The following PTPRG variants were observed in gnomAD, a reference collection of about 807,000 sequenced individuals.
The protein encoded by PTPRG is protein tyrosine phosphatase receptor type G, also known as receptor-type tyrosine-protein phosphatase gamma.
A neutral mutation model predicts 165.3 loss-of-function variants in PTPRG; 102 were observed. The observed-to-expected ratio is 0.62, with a 90% CI of 0.53 to 0.73. The LOEUF (loss-of-function observed/expected upper bound fraction) is 0.73. Ranked by LOEUF, PTPRG falls within the 30% of genes least tolerant of loss-of-function variation. The pLI, the probability that PTPRG is intolerant of heterozygous loss-of-function variation, is 0.00. For missense variants in PTPRG, 1,866 were observed against 1,861.4 expected (o/e 1.00, Z -0.05); for synonymous variants, 675 against 669.5 (o/e 1.01, Z -0.13).
At chr3:61,684,217 G>C (rs1480050194) in intron 1 of PTPRG, among the ~76,000 whole-genome samples, 4 of 152,170 alleles carry the variant, frequency 2.6e-5, no homozygotes, top group African/African-American at 9.7e-5. Context: ...TTCCCCTATG[G>C]GAGTGTATAT....
chr3:61,873,091 A>T (rs2037627807), intron 2 of PTPRG, among the ~76,000 whole-genome samples: 1 of 152,122 alleles, frequency 6.6e-6, no homozygotes, highest in African/African-American at 2.4e-5. Flanking sequence ...GGGGAGCTGT[A>T]TATATTCAGT....
intron 1 of PTPRG, among the ~76,000 whole-genome samples, chr3:61,703,433 C>T (rs2031083620): frequency 6.6e-6 from 1 of 152,096 alleles, no homozygotes; most frequent in Non-Finnish European, 1.5e-5. Context: ...CATTTTTTCT[C>T]TTTTGGCTTT....
At chr3:62,020,604 C>G (rs2041666344) in intron 4 of PTPRG, among the ~76,000 whole-genome samples, 1 of 152,066 alleles carries the variant, frequency 6.6e-6, no homozygotes, top group African/African-American at 2.4e-5. Flanking sequence ...TAATGGGAGT[C>G]TTTTCATTGT....
At chr3:61,974,844 C>T (rs1338190699) in intron 2 of PTPRG, among the ~76,000 whole-genome samples, 2 of 152,164 alleles carry the variant, frequency 1.3e-5, no homozygotes, top group Non-Finnish European at 2.9e-5. Flanking sequence ...GAGATCCTGT[C>T]CTTTGTGGAG....
intron 12 of PTPRG, among the ~76,000 whole-genome samples, chr3:62,209,853 A>G (rs1700316227): frequency 6.6e-6 from 1 of 152,186 alleles, no homozygotes; most frequent in African/African-American, 2.4e-5. Flanking sequence ...ACTAAGAACA[A>G]TTAGATTTCC....
intron 2 of PTPRG, among the ~76,000 whole-genome samples, chr3:61,887,170 A>ATTTTTT (rs869308871): frequency 2.6e-5 from 3 of 115,532 alleles, no homozygotes; most frequent in East Asian, 3.3e-4. Flanking sequence ...ATATATATAT[A>ATTTTTT]TTTTTAATGC....
rs183676695 is a variant in PTPRG at position 62,103,176 on chromosome 3, A to G, written c.615+24918A>G. On this transcript the variant is annotated intron_variant, in intron 5 of 29. Coordinates refer to ENST00000474889, the MANE Select transcript of PTPRG (RefSeq NM_002841.4). ...TTTATTTTATTTTGTGTTTCCAGCT[A>G]TTGGAACATTCAACCTCAAGACTGT... 6.9e-3 allele frequency among the ~76,000 whole-genome samples: 1,035 copies of G among 149,796 alleles called. 14 individuals carry two copies. The highest frequency in any genetic ancestry group is 0.024 in the African/African-American group (990 of 40,506).
At chr3:61,918,021 A>G (rs573779993) in intron 2 of PTPRG, among the ~76,000 whole-genome samples, 2 of 152,342 alleles carry the variant, frequency 1.3e-5, no homozygotes, top group African/African-American at 2.4e-5. Flanking sequence ...CTAATGAATC[A>G]TGTAGCTTAG....
intron 27 of PTPRG, among the ~76,000 whole-genome samples, chr3:62,282,349 G>A (rs569483876): frequency 2.0e-5 from 3 of 151,368 alleles, no homozygotes; most frequent in African/African-American, 4.8e-5. Flanking sequence ...TCAGCCTCCC[G>A]AATAGCAAAG....
At chr3:61,832,099 G>A (rs1353306487) in intron 2 of PTPRG, among the ~76,000 whole-genome samples, 2 of 152,150 alleles carry the variant, frequency 1.3e-5, no homozygotes, top group Non-Finnish European at 2.9e-5. Flanking sequence ...CAAAATAAGT[G>A]TAATCATGTT....
At chr3:62,201,627 A>C in intron 11 of PTPRG, 73 bp downstream of exon 11, 5 of 1,443,534 alleles carry the variant, frequency 3.5e-6, no homozygotes, top group Non-Finnish European at 4.8e-6. Flanking sequence ...TGTCACCACG[A>C]AGTGGCAGTA....
chr3:61,991,798 C>T (rs371988278), intron 3 of PTPRG, among the ~76,000 whole-genome samples: 14 of 152,188 alleles, frequency 9.2e-5, no homozygotes, highest in African/African-American at 1.7e-4. Context: ...TGACTTGCAA[C>T]GCTTGACAGC....
At chr3:61,572,689 C>T (rs1309772148) in intron 1 of PTPRG, among the ~76,000 whole-genome samples, 1 of 152,094 alleles carries the variant, frequency 6.6e-6, no homozygotes, top group African/African-American at 2.4e-5. Flanking sequence ...TGACAGCTTC[C>T]CGTGAAAGTG....
intron 2 of PTPRG, among the ~76,000 whole-genome samples, chr3:61,913,074 C>T (rs898962393): frequency 6.6e-6 from 1 of 152,094 alleles, no homozygotes; most frequent in Non-Finnish European, 1.5e-5. Flanking sequence ...TTCATTTAAA[C>T]TTTAGATTCA....
At chr3:62,268,914 CT>C in intron 19 of PTPRG, 120 bp from the exon 20 acceptor site, 2 of 1,144,090 alleles carry the variant, frequency 1.7e-6, no homozygotes, top group Non-Finnish European at 2.4e-6. Flanking sequence ...TCACGTATTC[CT>C]TTTTCAGTCA....
intron 1 of PTPRG, among the ~76,000 whole-genome samples, chr3:61,577,351 A>T (rs1406120217): frequency 6.6e-6 from 1 of 152,102 alleles, no homozygotes; most frequent in Non-Finnish European, 1.5e-5. Context: ...TTTGATGTTG[A>T]GCCTTTGCTT....
At chr3:62,148,121 G>T (rs1421693652) in intron 6 of PTPRG, among the ~76,000 whole-genome samples, 3 of 152,198 alleles carry the variant, frequency 2.0e-5, no homozygotes, top group Non-Finnish European at 4.4e-5. Flanking sequence ...ACTCCAGCCT[G>T]GGTGACAGAA....
chr3:61,750,808 C>T (rs996385390), intron 2 of PTPRG: 2 of 152,076 alleles, frequency 1.3e-5, no homozygotes, highest in Non-Finnish European at 2.9e-5. Context: ...ATTTTTTTCT[C>T]ATTCATTAAA....
chr3:61,908,969 A>G (rs1221465284), intron 2 of PTPRG, among the ~76,000 whole-genome samples: 1 of 152,156 alleles, frequency 6.6e-6, no homozygotes, highest in East Asian at 1.9e-4. Flanking sequence ...TTGCCCTTTC[A>G]CTAGATATGC....
Sources: gnomAD v4.1 joint callset for allele counts (sites outside exome capture counted in the v4.1 genomes callset) on GRCh38, gnomAD v4.1.1 for gene constraint, MANE v1.5 for transcripts, NCBI Gene and HGNC (gene_info 2026-07-23, HGNC 2026-07-21) for gene names.